CDK8: variants seen among roughly 807,000 people sequenced by gnomAD.
CDK8 encodes cyclin dependent kinase 8.
CDK8 carries 29 observed loss-of-function variants against 71.5 expected under a neutral mutation model. The observed-to-expected ratio is 0.41, with a 90% CI of 0.30 to 0.55. CDK8 has a LOEUF of 0.55. Among genes scored for constraint, CDK8 ranks in the 20% least tolerant of loss-of-function variants. The pLI, the probability that CDK8 is intolerant of heterozygous loss-of-function variation, is 0.37. For missense variants in CDK8, 288 were observed against 572.6 expected (o/e 0.50, Z 5.07); for synonymous variants, 161 against 192.1 (o/e 0.84, Z 1.34).
At chr13:26,257,932 G>C (rs895299482) in intron 1 of CDK8, among the ~76,000 whole-genome samples, 8 of 151,180 alleles carry the variant, frequency 5.3e-5, no homozygotes, top group African/African-American at 1.9e-4. Context: ...GAGAGAGAGA[G>C]AGATACTGCC....
At chr13:26,257,344 C>A (rs1035281955) in intron 1 of CDK8, among the ~76,000 whole-genome samples, 4 of 152,050 alleles carry the variant, frequency 2.6e-5, no homozygotes, top group Non-Finnish European at 5.9e-5. Flanking sequence ...TAATTTAGAC[C>A]AGAGAAGTTA....
intron 1 of CDK8, among the ~76,000 whole-genome samples, chr13:26,294,331 G>A (rs371721029): frequency 1.3e-5 from 2 of 152,120 alleles, no homozygotes; most frequent in East Asian, 1.9e-4. Flanking sequence ...TTCATCTGTC[G>A]ATGATTCTTA....
chr13:26,373,036 T>C (rs1272172348), intron 4 of CDK8, among the ~76,000 whole-genome samples: 1 of 152,172 alleles, frequency 6.6e-6, no homozygotes, highest in African/African-American at 2.4e-5. Context: ...AGAGCCTTCT[T>C]GTTTTAACTT....
chr13:26,395,532 GA>G (rs1437153231), intron 7 of CDK8, among the ~76,000 whole-genome samples: 1 of 151,776 alleles, frequency 6.6e-6, no homozygotes, highest in African/African-American at 2.4e-5. Context: ...AGCTGCCTGT[GA>G]CAGTCCTTTG....
chr13:26,289,450 T>C (rs965834930), intron 1 of CDK8, among the ~76,000 whole-genome samples: 1 of 152,222 alleles, frequency 6.6e-6, no homozygotes, highest in Non-Finnish European at 1.5e-5. Flanking sequence ...TGTAAATTTA[T>C]ATTGTTTGTT....
chr13:26,360,773 G>T (rs1874101203), intron 4 of CDK8, among the ~76,000 whole-genome samples: 2 of 152,256 alleles, frequency 1.3e-5, no homozygotes, highest in South Asian at 4.1e-4. Context: ...TTTACCTAAT[G>T]CTTATGCATA....
chr13:26,282,634 C>T (rs1028399669), intron 1 of CDK8, among the ~76,000 whole-genome samples: 1 of 151,988 alleles, frequency 6.6e-6, no homozygotes, highest in African/African-American at 2.4e-5. Flanking sequence ...AATCTGATGA[C>T]CTACACAACA....
chr13:26,353,647 CTGAG>C, intron 3 of CDK8, 89 bp from the exon 4 acceptor site: 1 of 974,448 alleles, frequency 1.0e-6, no homozygotes, highest in Non-Finnish European at 1.5e-6. Context: ...ATGGGAATCC[CTGAG>C]TGTTTCTTTT....
intron 1 of CDK8, among the ~76,000 whole-genome samples, chr13:26,277,109 TG>T (rs1256502542): frequency 6.6e-6 from 1 of 152,206 alleles, no homozygotes; most frequent in Non-Finnish European, 1.5e-5. Context: ...GCCTATTCTT[TG>T]ATGCAACTAT....
intron 1 of CDK8, among the ~76,000 whole-genome samples, chr13:26,277,815 T>C (rs184287813): frequency 6.6e-6 from 1 of 152,220 alleles, no homozygotes; most frequent in African/African-American, 2.4e-5. Flanking sequence ...TAGATTCGTA[T>C]TTAGTTACTA....
At position 26,386,297 on chromosome 13, in the gene CDK8, G is replaced by T. The variant is rs80238624; in HGVS notation, c.646+955G>T. 3.5e-3 allele frequency among the ~76,000 whole-genome samples: 538 copies of T among 152,282 alleles called. 1 individual carries two copies. Among genetic ancestry groups the T allele is most frequent in the Non-Finnish European group, 5.7e-3 (386 of 68,016 alleles). On this transcript the variant is annotated intron_variant, in intron 6 of 12. Transcript: ENST00000381527. ...GCTGCTAGGCCTTTCACCATCGCTT[G>T]TCCATTACTCAAACCTGATTCTGCT... is the stretch of plus-strand genomic sequence containing the variant.
At chr13:26,279,462 GA>G (rs372158869) in intron 1 of CDK8, among the ~76,000 whole-genome samples, 407 of 144,386 alleles carry the variant, frequency 2.8e-3, no homozygotes, top group African/African-American at 5.9e-3. Context: ...GGTGCAGTAA[GA>G]AAAAAAAAAA....
intron 1 of CDK8, among the ~76,000 whole-genome samples, chr13:26,262,557 C>G (rs562778788): frequency 6.6e-6 from 1 of 152,284 alleles, no homozygotes; most frequent in South Asian, 2.1e-4. Flanking sequence ...CAGAATGGCA[C>G]TGAACAATAC....
At chr13:26,281,627 TCCA>T (rs1872751903) in intron 1 of CDK8, among the ~76,000 whole-genome samples, 1 of 146,600 alleles carries the variant, frequency 6.8e-6, no homozygotes, top group African/African-American at 2.8e-5. Context: ...CAGCAATGGG[TCCA>T]AATCAAGAAG....
intron 6 of CDK8, among the ~76,000 whole-genome samples, chr13:26,390,241 A>G (rs776994983): frequency 6.6e-6 from 1 of 152,218 alleles, no homozygotes; most frequent in Non-Finnish European, 1.5e-5. Context: ...TTCTAGTTGA[A>G]CATACAGATA....
chr13:26,349,883 C>T (rs1873616112), intron 3 of CDK8, among the ~76,000 whole-genome samples: 1 of 152,110 alleles, frequency 6.6e-6, no homozygotes, highest in Admixed American at 6.6e-5. Context: ...ATGTTATTGT[C>T]AACTAGGGAC....
rs772191980 is a variant in CDK8, at chr13:26,397,251, G to A, written c.933+26G>A. The A allele has an allele frequency of 3.4e-6, 5 of 1,461,850 alleles. No individual in the cohort carries two copies. In the Admixed American group the frequency reaches 7.4e-5, roughly 22 times the overall value. 90.6% of individuals were successfully genotyped at this position (1,461,850 alleles called of 1,614,324 possible). On this transcript the variant is annotated intron_variant, in intron 9 of 12. Transcript: ENST00000381527. Reference sequence around the variant, plus strand: ...GTAAGCATTGGTTAACAGTATTAATGAAATGCATTTTTTCCTTAATTGACT... The same window carrying A: ...GTAAGCATTGGTTAACAGTATTAATAAAATGCATTTTTTCCTTAATTGACT...
At chr13:26,316,215 C>T (rs575117207) in intron 1 of CDK8, among the ~76,000 whole-genome samples, 1 of 152,244 alleles carries the variant, frequency 6.6e-6, no homozygotes, top group South Asian at 2.1e-4. Context: ...AGAAACTTAG[C>T]TGGGCATGGT....
intron 4 of CDK8, among the ~76,000 whole-genome samples, chr13:26,371,646 C>G (rs1388696736): frequency 3.3e-5 from 5 of 152,064 alleles, no homozygotes; most frequent in African/African-American, 9.7e-5. Flanking sequence ...GACGGAGTCT[C>G]CCCCTGTCGC....
Sources: allele counts gnomAD v4.1 joint callset (sites outside exome capture counted in the v4.1 genomes callset), GRCh38; gene constraint gnomAD v4.1.1; transcripts MANE v1.5; gene names NCBI Gene and HGNC (gene_info 2026-07-23, HGNC 2026-07-21).